The following DCHS2 variants were observed in gnomAD, a reference collection of about 807,000 sequenced individuals.
DCHS2 encodes dachsous cadherin-related 2.
Under a neutral mutation model 182.4 loss-of-function variants are expected in DCHS2, and 142 were observed. The ratio of observed to expected loss-of-function variants is 0.78; its 90% CI spans 0.68 to 0.89. DCHS2 has a LOEUF of 0.89. Ranked by LOEUF, DCHS2 falls within the 40% of genes least tolerant of loss-of-function variation. The pLI is 0.00. For missense variants in DCHS2, 4,319 were observed against 4,198.6 expected (o/e 1.03, Z -0.79); for synonymous variants, 1,740 against 1,663.3 (o/e 1.05, Z -1.12).
At position 154,437,045 on chromosome 4, in the gene DCHS2, A is replaced by G. The variant is rs183059624; in HGVS notation, c.2052+52259T>C. Among the ~76,000 whole-genome samples the G allele has an allele frequency of 3.6e-3, 545 of 152,300 alleles. 1 individual carries two copies. The highest frequency in any genetic ancestry group is 6.1e-3 in the Non-Finnish European group (417 of 68,026). On this transcript the variant is annotated intron_variant, in intron 1 of 19. Transcript: ENST00000357232. The stretch of plus-strand genomic sequence containing the variant: ...TATCTGGCTCACATCGGTGGCTCAC[A>G]CTACATTTCTTCCGGACAGTGCTGA...
intron 1 of DCHS2, among the ~76,000 whole-genome samples, chr4:154,460,001 C>T (rs1288891448): frequency 6.6e-6 from 1 of 152,074 alleles, no homozygotes; most frequent in Non-Finnish European, 1.5e-5. Context: ...TGCATTGTAA[C>T]CAATATTATT....
At position 154,490,600 on chromosome 4, in the gene DCHS2, C is replaced by T; in HGVS notation, c.756G>A (p.Arg252=). The change falls in exon 1 of 20, where the codon CGG becomes CGA. Residue 252 remains arginine (R), a synonymous_variant. Transcript: ENST00000357232. ...PLEPLDLVLL[R]RLDREEAAAH... ...CCGCCGCCTCCTCTCGGTCCAAGCG[C>T]CGCAGCAGCACCAGATCTAGAGGCT... 6.5e-7 allele frequency: 1 copy of T among 1,547,500 alleles called. No homozygotes were observed.
At chr4:154,435,162 T>C (rs372354087) in intron 1 of DCHS2, among the ~76,000 whole-genome samples, 1 of 152,224 alleles carries the variant, frequency 6.6e-6, no homozygotes, top group African/African-American at 2.4e-5. Context: ...ATCTGTACTA[T>C]CCTTGCAATT....
At chr4:154,260,622 G>T in intron 14 of DCHS2, among the ~76,000 whole-genome samples, 1 of 152,116 alleles carries the variant, frequency 6.6e-6, no homozygotes, top group South Asian at 2.1e-4. Context: ...CTCACACAGC[G>T]ATTCTTCCTC....
chr4:154,422,202 T>C (rs1391659914), intron 1 of DCHS2, among the ~76,000 whole-genome samples: 2 of 152,188 alleles, frequency 1.3e-5, no homozygotes, highest in Non-Finnish European at 2.9e-5. Context: ...CTGCTTAAGC[T>C]ATTTCACCTC....
At chr4:154,325,757 A>C (rs558900892) in intron 7 of DCHS2, among the ~76,000 whole-genome samples, 1 of 152,304 alleles carries the variant, frequency 6.6e-6, no homozygotes, top group East Asian at 1.9e-4. Flanking sequence ...TAGGTAAATA[A>C]GTTCGGATGG....
In DCHS2 at chr4:154,236,090, G is replaced by A. The variant is rs774348520; in HGVS notation, c.8562C>T (p.Ala2854=). ...NGNKYCLTVQ[A]KDKGDATASL... ...AGGCAGTTGCATCACCTTTGTCTTT[G>A]GCTTGGACTGTGAGGCAGTATTTAT... Residue 2854 remains alanine (A), a synonymous_variant, in exon 20 of 20, where the codon GCC becomes GCT. Coordinates refer to ENST00000357232, the MANE Select transcript of DCHS2 (RefSeq NM_001358235.2). 6.2e-7 allele frequency: 1 copy of A among 1,613,580 alleles called. No homozygotes were observed. Among genetic ancestry groups the A allele is most frequent in the South Asian group, 1.1e-5 (1 of 91,060 alleles).
intron 7 of DCHS2, 152 bp from the exon 8 acceptor site, chr4:154,322,640 A>T: frequency 9.3e-7 from 1 of 1,078,290 alleles, no homozygotes; most frequent in Non-Finnish European, 1.3e-6. Flanking sequence ...AATAGACAAG[A>T]AACATCACTT....
chr4:154,265,183 T>G (rs928285205), intron 14 of DCHS2, among the ~76,000 whole-genome samples: 3 of 152,174 alleles, frequency 2.0e-5, no homozygotes, highest in Non-Finnish European at 4.4e-5. Context: ...AAAATCAGTT[T>G]CAAATACATA....
At chr4:154,414,210 T>TAG (rs1732742472) in intron 1 of DCHS2, among the ~76,000 whole-genome samples, 2 of 148,758 alleles carry the variant, frequency 1.3e-5, no homozygotes, top group Admixed American at 6.6e-5. Context: ...GAGAGAGAGA[T>TAG]ATAGATATAT....
At chr4:154,240,022 C>T (rs1731722685) in intron 18 of DCHS2, among the ~76,000 whole-genome samples, 1 of 152,146 alleles carries the variant, frequency 6.6e-6, no homozygotes, top group African/African-American at 2.4e-5. Flanking sequence ...GCATTTGCTA[C>T]ATTCAAAAGT....
chr4:154,279,940 T>A (rs1022551979), intron 13 of DCHS2, among the ~76,000 whole-genome samples: 1 of 151,898 alleles, frequency 6.6e-6, no homozygotes, highest in African/African-American at 2.4e-5. Flanking sequence ...AAGTTATTTT[T>A]TTGAAAAGCT....
Position 154,382,747 on chromosome 4 carries a change from T to C in DCHS2, c.2053-5303A>G, listed in dbSNP as rs188668345. Among the ~76,000 whole-genome samples the C allele has an allele frequency of 4.0e-5, 6 of 151,856 alleles. No homozygotes were observed. In the East Asian group the frequency reaches 1.2e-3, roughly 29 times the overall value. On this transcript the variant is annotated intron_variant, in intron 1 of 19. Transcript: ENST00000357232. ...GCAGCCAAGAAACATATGAAAAAAATGCTCAATATCACTAATCATCAGAGA... is the reference window on the plus strand; with the variant it reads ...GCAGCCAAGAAACATATGAAAAAAACGCTCAATATCACTAATCATCAGAGA...
At chr4:154,264,721 T>C (rs76019521) in intron 14 of DCHS2, among the ~76,000 whole-genome samples, 3,116 of 152,274 alleles carry the variant, frequency 0.02, 50 homozygotes, top group Non-Finnish European at 0.032. Context: ...AGTACATTTT[T>C]AACTACCTAA....
chr4:154,259,263 T>A (rs1201948849), intron 15 of DCHS2, among the ~76,000 whole-genome samples: 1 of 152,132 alleles, frequency 6.6e-6, no homozygotes, highest in Non-Finnish European at 1.5e-5. Flanking sequence ...ATTGTATTAA[T>A]AAATGCATAC....
At chr4:154,405,245 C>G (rs1007887397) in intron 1 of DCHS2, among the ~76,000 whole-genome samples, 1 of 151,976 alleles carries the variant, frequency 6.6e-6, no homozygotes, top group Non-Finnish European at 1.5e-5. Flanking sequence ...AGCAAAACTC[C>G]ATCTCAAAAT....
chr4:154,434,606 T>A (rs1026271159), intron 1 of DCHS2, among the ~76,000 whole-genome samples: 4 of 151,896 alleles, frequency 2.6e-5, no homozygotes, highest in African/African-American at 9.7e-5. Context: ...TACATGAGTG[T>A]TTTTTTTATT....
At chr4:154,448,140 T>C (rs920325983) in intron 1 of DCHS2, among the ~76,000 whole-genome samples, 1 of 152,174 alleles carries the variant, frequency 6.6e-6, no homozygotes, top group Non-Finnish European at 1.5e-5. Context: ...CTTCCATGGC[T>C]CTTCTGGTTT....
chr4:154,304,044 A>G (rs1365225706), intron 12 of DCHS2, among the ~76,000 whole-genome samples: 1 of 151,656 alleles, frequency 6.6e-6, no homozygotes, highest in Non-Finnish European at 1.5e-5. Flanking sequence ...TTATATTTGT[A>G]TGAGAGTTAT....
Sources: allele counts gnomAD v4.1 joint callset (sites outside exome capture counted in the v4.1 genomes callset), GRCh38; gene constraint gnomAD v4.1.1; transcripts MANE v1.5; gene names NCBI Gene and HGNC (gene_info 2026-07-23, HGNC 2026-07-21).